The following OTULIN variants were observed in gnomAD, a reference collection of about 807,000 sequenced individuals.
OTULIN encodes OTU deubiquitinase with linear linkage specificity, also known as ubiquitin thioesterase otulin.
In OTULIN, 15 loss-of-function variants were observed where a neutral mutation model predicts 39.6. The observed-to-expected ratio is 0.38, with a 90% CI of 0.25 to 0.58. OTULIN has a LOEUF of 0.58. OTULIN is among the 20% of genes least tolerant of loss of function. The pLI is 0.66. For missense variants in OTULIN, 319 were observed against 445.9 expected, an observed-to-expected ratio of 0.72 and a Z score of 2.56; for synonymous variants, 156 against 170.3, an observed-to-expected ratio of 0.92 and a Z score of 0.65.
At chr5:14,669,996 A>G (rs1053836391) in intron 1 of OTULIN, among the ~76,000 whole-genome samples, 1 of 152,208 alleles carries the variant, frequency 6.6e-6, no homozygotes, top group African/African-American at 2.4e-5. Flanking sequence ...CTACAATGGT[A>G]TAGAACACTA....
At chr5:14,668,604 G>A (rs1735907843) in intron 1 of OTULIN, among the ~76,000 whole-genome samples, 1 of 152,188 alleles carries the variant, frequency 6.6e-6, no homozygotes, top group African/African-American at 2.4e-5. Flanking sequence ...AGTCTCATAG[G>A]AGAGGCTAAG....
chr5:14,678,073 A>C (rs979630991), intron 2 of OTULIN, among the ~76,000 whole-genome samples: 1 of 152,168 alleles, frequency 6.6e-6, no homozygotes, highest in African/African-American at 2.4e-5. Flanking sequence ...TGAGTGGTAC[A>C]GAAAAATATT....
chr5:14,698,387 G>C lies in OTULIN; in HGVS notation c.*5339G>C, dbSNP rs1279981093. ...CGCCTGCTCTGAAAAACATGCCCCCGAGGCTCTGTGCAGTTTGGGGCCTTG... is the reference window on the plus strand; with the variant it reads ...CGCCTGCTCTGAAAAACATGCCCCCCAGGCTCTGTGCAGTTTGGGGCCTTG... On this transcript the variant is annotated 3_prime_UTR_variant, in exon 7 of 7. Coordinates refer to ENST00000284274, the MANE Select transcript of OTULIN (RefSeq NM_138348.6). 1 of 152,196 alleles carries C rather than the reference G, an allele frequency of 6.6e-6. No homozygotes were observed. Among genetic ancestry groups the C allele is most frequent in the South Asian group, 2.1e-4 (1 of 4,830 alleles). 9.4% of individuals were successfully genotyped at this position (152,196 alleles called of 1,614,324 possible). A position where few individuals can be genotyped will look rare whatever the true frequency, so the allele number is the denominator to read the frequency against.
chr5:14,678,624 A>T, intron 2 of OTULIN, 57 bp from the exon 3 acceptor site: 1 of 1,247,766 alleles, frequency 8.0e-7, no homozygotes, highest in Non-Finnish European at 1.1e-6. Context: ...CTGAAGCAGT[A>T]TTCTGATTAT....
rs1736735832 is a variant in OTULIN, at chr5:14,698,704, C to CAGACCTAT, written c.*5657_*5664dup. 6.6e-6 allele frequency: 1 copy of CAGACCTAT among 152,268 alleles called. No individual in the cohort carries two copies. Among genetic ancestry groups the CAGACCTAT allele is most frequent in the African/African-American group, 2.4e-5 (1 of 41,454 alleles). 9.4% of individuals were successfully genotyped at this position (152,268 alleles called of 1,614,324 possible). A position where few individuals can be genotyped will look rare whatever the true frequency, so the allele number is the denominator to read the frequency against. On this transcript the variant is annotated 3_prime_UTR_variant, in exon 7 of 7. Coordinates refer to ENST00000284274, the MANE Select transcript of OTULIN (RefSeq NM_138348.6). Reference sequence around the variant, plus strand: ...CTCTAACTTTCTGGCACCCGCAAGGCAGACCTATGATGTCCACATGGCTGA... The same window carrying CAGACCTAT: ...CTCTAACTTTCTGGCACCCGCAAGGCAGACCTATAGACCTATGATGTCCACATGGCTGA...
Position 14,695,264 on chromosome 5 carries a change from A to T in OTULIN, c.*2216A>T, listed in dbSNP as rs1736636515. 1 of 152,196 alleles carries T rather than the reference A, an allele frequency of 6.6e-6. No individual in the cohort carries two copies. The highest frequency in any genetic ancestry group is 2.4e-5 in the African/African-American group (1 of 41,434). 9.4% of individuals were successfully genotyped at this position (152,196 alleles called of 1,614,324 possible). A position where few individuals can be genotyped will look rare whatever the true frequency, so the allele number is the denominator to read the frequency against. ...ATAGAAATGATTGACCAACTTTAAA[A>T]ATAATTTTTTTTTAATTGCAATATG... On this transcript the variant is annotated 3_prime_UTR_variant, in exon 7 of 7. Transcript: ENST00000284274.
rs1173118076 is a variant in OTULIN, at chr5:14,673,498, A to G, written c.153-144A>G. ...AGCATCTTTATTCTTAAGATAGAAGACTCATATTTTATTAGATTATCATCA... is the reference window on the plus strand; with the variant it reads ...AGCATCTTTATTCTTAAGATAGAAGGCTCATATTTTATTAGATTATCATCA... On this transcript the variant is annotated intron_variant, in intron 1 of 6. Coordinates refer to ENST00000284274, the MANE Select transcript of OTULIN (RefSeq NM_138348.6). 13 of 487,938 alleles carry G rather than the reference A, an allele frequency of 2.7e-5. No homozygotes were observed. In the East Asian group the frequency reaches 3.7e-4, roughly 14 times the overall value. 30.2% of individuals were successfully genotyped at this position (487,938 alleles called of 1,614,324 possible).
the OTULIN span, among the ~76,000 whole-genome samples, chr5:14,715,428 G>A: frequency 1.2e-4 from 19 of 152,016 alleles, no homozygotes; most frequent in African/African-American, 4.6e-4. Flanking sequence ...ACTGCGCCCG[G>A]CCCATGGCTC....
chr5:14,696,499 G>T lies in OTULIN; in HGVS notation c.*3451G>T. ...TGTGTGAAGTGAATGTGAAATGTGT[G>T]TGAAATACATAGAATTCCCAAATAG... is the stretch of plus-strand genomic sequence containing the variant. On this transcript the variant is annotated 3_prime_UTR_variant, in exon 7 of 7. Transcript: ENST00000284274. 6.6e-6 allele frequency: 1 copy of T among 152,202 alleles called. No individual in the cohort carries two copies. The highest frequency in any genetic ancestry group is 3.2e-3 in the Middle Eastern group (1 of 316). The allele number at this position is 152,202 out of a possible 1,614,324, so 9.4% of individuals were successfully genotyped here.
At chr5:14,692,080 CAT>C (rs1561002900) in intron 6 of OTULIN, among the ~76,000 whole-genome samples, 1 of 151,986 alleles carries the variant, frequency 6.6e-6, no homozygotes, top group South Asian at 2.1e-4. Context: ...TTTATGTGAA[CAT>C]ATGTTTGTAG....
At position 14,664,972 on chromosome 5, in the gene OTULIN, C is replaced by G. The variant is rs1459542568; in HGVS notation, c.147C>G (p.Ala49=). ...GQPRPEMQCP[A]EHEEDMYRAA... ...CGCGGCCCGAGATGCAGTGCCCGGC[C>G]GAGCAGTGAGTCCGCGGGGGCGCGG... is the stretch of plus-strand genomic sequence containing the variant. Residue 49 remains alanine, a synonymous_variant, in exon 1 of 7, where the codon GCC becomes GCG. Coordinates refer to ENST00000284274, the MANE Select transcript of OTULIN (RefSeq NM_138348.6). The G allele has an allele frequency of 2.8e-6, 3 of 1,083,670 alleles. No individual in the cohort carries two copies. The highest frequency in any genetic ancestry group is 3.4e-6 in the Non-Finnish European group (3 of 894,352). 67.1% of individuals were successfully genotyped at this position (1,083,670 alleles called of 1,614,324 possible). A position where few individuals can be genotyped will look rare whatever the true frequency, so the allele number is the denominator to read the frequency against.
chr5:14,707,726 A>C, the OTULIN span: 4 of 152,212 alleles, frequency 2.6e-5, no homozygotes, highest in African/African-American at 7.2e-5. Context: ...TATTGTAAAG[A>C]AGCTTTATTT....
chr5:14,675,822 T>C (rs1231253976), intron 2 of OTULIN, among the ~76,000 whole-genome samples: 1 of 152,242 alleles, frequency 6.6e-6, no homozygotes, highest in African/African-American at 2.4e-5. Flanking sequence ...CAAAAAGTTT[T>C]CTTATCCTCT....
At chr5:14,669,494 G>T (rs530128957) in intron 1 of OTULIN, among the ~76,000 whole-genome samples, 40 of 152,318 alleles carry the variant, frequency 2.6e-4, no homozygotes, top group Non-Finnish European at 5.0e-4. Flanking sequence ...AATTTAGGCT[G>T]AGCACGGTGG....
chr5:14,689,626 A>C (rs1427717305), intron 5 of OTULIN, among the ~76,000 whole-genome samples: 1 of 152,116 alleles, frequency 6.6e-6, no homozygotes, highest in Non-Finnish European at 1.5e-5. Flanking sequence ...TCCATTTAGG[A>C]GGGTTGGCTT....
Position 14,699,158 on chromosome 5 carries a change from A to G in OTULIN, c.*6110A>G, listed in dbSNP as rs559579241. 3 of 152,280 alleles carry G rather than the reference A, an allele frequency of 2.0e-5. No individual in the cohort carries two copies. In the South Asian group the frequency reaches 6.2e-4, roughly 32 times the overall value. The allele number at this position is 152,280 out of a possible 1,614,324, so 9.4% of individuals were successfully genotyped here. A position where few individuals can be genotyped will look rare whatever the true frequency, so the allele number is the denominator to read the frequency against. On this transcript the variant is annotated 3_prime_UTR_variant, in exon 7 of 7. Transcript: ENST00000284274. ...AGACATTTCTTTATGAACCATTTACACTGCTGGAAATGTACCCACTAATGT... is the reference window on the plus strand; with the variant it reads ...AGACATTTCTTTATGAACCATTTACGCTGCTGGAAATGTACCCACTAATGT...
At position 14,684,653 on chromosome 5, in the gene OTULIN, C is replaced by A. The variant is rs969362371; in HGVS notation, c.469-2868C>A. Among the ~76,000 whole-genome samples the A allele has an allele frequency of 3.3e-5, 5 of 152,226 alleles. No individual in the cohort carries two copies. The South Asian group carries it at 6.2e-4, about 19-fold the overall frequency. The stretch of plus-strand genomic sequence containing the variant: ...TGACTGAAATAAATCAGGGGTGGAA[C>A]CTTTAGCTAGCTTTATCTGCTTCTG... On this transcript the variant is annotated intron_variant, in intron 4 of 6. Transcript: ENST00000284274.
chr5:14,678,121 G>T (rs1736151617), intron 2 of OTULIN, among the ~76,000 whole-genome samples: 1 of 152,178 alleles, frequency 6.6e-6, no homozygotes. Flanking sequence ...AAACCAAATG[G>T]TATAAGAGGA....
chr5:14,686,192 A>C (rs551463017), intron 4 of OTULIN, among the ~76,000 whole-genome samples: 217 of 152,332 alleles, frequency 1.4e-3, no homozygotes, highest in African/African-American at 5.0e-3. Context: ...CTATTTATGA[A>C]AGGGTCTTTT....
Sources: allele counts gnomAD v4.1 joint callset (sites outside exome capture counted in the v4.1 genomes callset), GRCh38; gene constraint gnomAD v4.1.1; transcripts MANE v1.5; gene names NCBI Gene and HGNC (gene_info 2026-07-23, HGNC 2026-07-21).